RNF150: variants seen among roughly 807,000 people sequenced by gnomAD.
The protein encoded by RNF150 is ring finger protein 150.
A neutral mutation model predicts 39.3 loss-of-function variants in RNF150; 24 were observed. The observed-to-expected ratio is 0.61, with a 90% CI of 0.44 to 0.86. The LOEUF (loss-of-function observed/expected upper bound fraction) is 0.86. Among genes scored for constraint, RNF150 ranks in the 40% least tolerant of loss-of-function variants. RNF150 has a pLI of 0.00. For missense variants in RNF150, 502 were observed against 587.8 expected, an observed-to-expected ratio of 0.85 and a Z score of 1.51; for synonymous variants, 255 against 227.3, an observed-to-expected ratio of 1.12 and a Z score of -1.10.
intron 1 of RNF150, among the ~76,000 whole-genome samples, chr4:141,210,963 C>T (rs1286803122): frequency 6.6e-6 from 1 of 152,140 alleles, no homozygotes; most frequent in African/African-American, 2.4e-5. Flanking sequence ...GTCCTTTCTT[C>T]CCTTCCTCAA....
intron 1 of RNF150, among the ~76,000 whole-genome samples, chr4:141,205,678 G>A (rs1728363211): frequency 6.6e-6 from 1 of 152,154 alleles, no homozygotes; most frequent in Non-Finnish European, 1.5e-5. Context: ...CCCATATTTT[G>A]TTTATTTAAA....
intron 1 of RNF150, among the ~76,000 whole-genome samples, chr4:141,056,944 T>C (rs765587942): frequency 6.6e-6 from 1 of 152,108 alleles, no homozygotes; most frequent in Non-Finnish European, 1.5e-5. Context: ...TTATATATGA[T>C]TGATAATAGT....
At chr4:141,000,048 A>G (rs868212979) in intron 1 of RNF150, among the ~76,000 whole-genome samples, 1,441 of 81,336 alleles carry the variant, frequency 0.018, 146 homozygotes, top group African/African-American at 0.022. Context: ...GAAGAAGAAG[A>G]AGAAGAAGAA....
intron 1 of RNF150, among the ~76,000 whole-genome samples, chr4:141,057,345 T>C (rs1224500484): frequency 6.6e-6 from 1 of 151,966 alleles, no homozygotes; most frequent in Non-Finnish European, 1.5e-5. Flanking sequence ...GTAAAACAAT[T>C]TAAAATTTTT....
upstream of RNF150, among the ~76,000 whole-genome samples, chr4:141,135,871 C>T (rs1727019949): frequency 6.6e-6 from 1 of 152,106 alleles, no homozygotes; most frequent in African/African-American, 2.4e-5. Context: ...TGAACATCAC[C>T]ATTTGTAGAA....
At chr4:141,124,554 G>A (rs1726701367) in intron 1 of RNF150, among the ~76,000 whole-genome samples, 1 of 152,192 alleles carries the variant, frequency 6.6e-6, no homozygotes, top group Admixed American at 6.5e-5. Context: ...CATTTCTGAT[G>A]TGGGTTTCAT....
At chr4:141,014,371 C>A (rs986871395) in intron 1 of RNF150, among the ~76,000 whole-genome samples, 1 of 152,162 alleles carries the variant, frequency 6.6e-6, no homozygotes, top group African/African-American at 2.4e-5. Flanking sequence ...AGTGGGGTTA[C>A]CGAGTCACAT....
At chr4:140,952,890 C>T (rs996866987) in intron 2 of RNF150, among the ~76,000 whole-genome samples, 3 of 152,242 alleles carry the variant, frequency 2.0e-5, no homozygotes, top group East Asian at 1.9e-4. Context: ...TAGGCGATTT[C>T]GTCACTGTGT....
At chr4:141,183,695 C>T (rs767285500) in intron 1 of RNF150, among the ~76,000 whole-genome samples, 3 of 151,788 alleles carry the variant, frequency 2.0e-5, no homozygotes, top group South Asian at 2.1e-4. Context: ...CCCCCAACAG[C>T]GCCTCCCTGT....
At chr4:141,120,762 A>C (rs1180800097) in intron 1 of RNF150, among the ~76,000 whole-genome samples, 1 of 152,210 alleles carries the variant, frequency 6.6e-6, no homozygotes, top group South Asian at 2.1e-4. Flanking sequence ...AGCAGAGGCC[A>C]AACCACGGAA....
At chr4:141,133,945 C>T (rs904623320), upstream of RNF150, among the ~76,000 whole-genome samples, 3 of 152,158 alleles carry the variant, frequency 2.0e-5, no homozygotes, top group Admixed American at 2.0e-4. Flanking sequence ...CAAAAATATG[C>T]ATTTCTAACA....
intron 1 of RNF150, among the ~76,000 whole-genome samples, chr4:140,979,557 C>T (rs1168138656): frequency 6.6e-6 from 1 of 151,854 alleles, no homozygotes; most frequent in African/African-American, 2.4e-5. Context: ...TTATCATCAT[C>T]AACATTTATC....
chr4:140,994,113 C>T (rs10022703), intron 1 of RNF150, among the ~76,000 whole-genome samples: 1 of 152,180 alleles, frequency 6.6e-6, no homozygotes, highest in Admixed American at 6.5e-5. Flanking sequence ...AACATGCATG[C>T]TTCCAGTCCC....
chr4:141,051,725 C>T (rs1736783513), intron 1 of RNF150, among the ~76,000 whole-genome samples: 2 of 152,196 alleles, frequency 1.3e-5, no homozygotes, highest in Non-Finnish European at 2.9e-5. Context: ...AGCCATTCAA[C>T]AGGTTTCTAG....
chr4:141,176,968 C>T (rs994794600), intron 1 of RNF150, among the ~76,000 whole-genome samples: 4 of 146,846 alleles, frequency 2.7e-5, no homozygotes, highest in African/African-American at 7.5e-5. Context: ...GTAATCCCAG[C>T]ATTTTGGGAG....
chr4:141,043,205 G>A (rs1485700958), intron 1 of RNF150, among the ~76,000 whole-genome samples: 1 of 152,006 alleles, frequency 6.6e-6, no homozygotes, highest in Non-Finnish European at 1.5e-5. Flanking sequence ...TCCCAGAATA[G>A]GTAGGTAATT....
chr4:140,991,587 C>A (rs1295391052), intron 1 of RNF150, among the ~76,000 whole-genome samples: 1 of 152,100 alleles, frequency 6.6e-6, no homozygotes, highest in Non-Finnish European at 1.5e-5. Flanking sequence ...CACATTACAA[C>A]CATAAAACTT....
chr4:141,197,888 T>A lies in RNF150; in HGVS notation c.-6+14906A>T, dbSNP rs547886725. On this transcript the variant is annotated intron_variant, in intron 1 of 7. Coordinates refer to the RNF150 transcript ENST00000420921. ...GCAAGATTCTGTCTCAAAAAAAAAA[T>A]AAATAAATAAAAAAGAAATGGCCTC... Among the ~76,000 whole-genome samples the A allele has an allele frequency of 2.6e-3, 390 of 150,480 alleles. 3 individuals are homozygous for A. The highest frequency in any genetic ancestry group is 8.4e-3 in the African/African-American group (339 of 40,262).
chr4:141,091,397 CATG>C (rs958972028), intron 1 of RNF150, among the ~76,000 whole-genome samples: 1 of 152,100 alleles, frequency 6.6e-6, no homozygotes, highest in Non-Finnish European at 1.5e-5. Context: ...CAAATGACAA[CATG>C]ATATTTGCCT....
Sources: gnomAD v4.1 joint callset for allele counts (sites outside exome capture counted in the v4.1 genomes callset) on GRCh38, gnomAD v4.1.1 for gene constraint, MANE v1.5 for transcripts, NCBI Gene and HGNC (gene_info 2026-07-23, HGNC 2026-07-21) for gene names.